The following CALD1 variants were observed in gnomAD, a reference collection of about 807,000 sequenced individuals.
CALD1 encodes the protein caldesmon 1, also known as caldesmon.
A neutral mutation model predicts 99.9 loss-of-function variants in CALD1; 33 were observed. That is an observed-to-expected ratio of 0.33 (90% CI 0.25 to 0.44). The LOEUF (loss-of-function observed/expected upper bound fraction) is 0.44, where lower values mean the gene tolerates loss of function less well. CALD1 is among the 20% of genes least tolerant of loss of function. The probability of loss-of-function intolerance (pLI) is 1.00; values close to 1 mark genes in which losing one functional copy is unlikely to be tolerated. For missense variants in CALD1, 861 were observed against 962.1 expected (o/e 0.89, Z 1.39); for synonymous variants, 310 against 325.0 (o/e 0.95, Z 0.50).
chr7:134,728,860 T>C, the CALD1 span, among the ~76,000 whole-genome samples: 3 of 149,838 alleles, frequency 2.0e-5, no homozygotes, highest in Admixed American at 6.6e-5. Context: ...TTTTTTTTTT[T>C]TTTTTTTTTT....
intron 1 of CALD1, among the ~76,000 whole-genome samples, chr7:134,768,713 A>C (rs1432085398): frequency 6.6e-6 from 1 of 152,210 alleles, no homozygotes; most frequent in Admixed American, 6.5e-5. Flanking sequence ...GCTTAAGAAT[A>C]ACACAACAAA....
chr7:134,769,190 T>C (rs1283479619), intron 1 of CALD1, among the ~76,000 whole-genome samples: 2 of 152,160 alleles, frequency 1.3e-5, no homozygotes, highest in African/African-American at 4.8e-5. Context: ...ACAATGTTTT[T>C]ACTACTGCAA....
intron 3 of CALD1, among the ~76,000 whole-genome samples, chr7:134,926,477 A>T (rs1359621971): frequency 6.6e-6 from 1 of 152,252 alleles, no homozygotes; most frequent in Non-Finnish European, 1.5e-5. Context: ...AGGATTGCAC[A>T]TGAGCAGATT....
intron 1 of CALD1, among the ~76,000 whole-genome samples, chr7:134,817,769 A>G (rs1038378008): frequency 1.3e-5 from 2 of 152,190 alleles, no homozygotes; most frequent in African/African-American, 2.4e-5. Flanking sequence ...AGCTAAGTGA[A>G]GTAGTAATTA....
chr7:134,817,468 G>A (rs1422176333), intron 1 of CALD1, among the ~76,000 whole-genome samples: 3 of 152,082 alleles, frequency 2.0e-5, no homozygotes, highest in Non-Finnish European at 4.4e-5. Context: ...ATTGACATTC[G>A]TGTGATTCAC....
intron 1 of CALD1, 58 bp downstream of exon 1, chr7:134,779,807 G>A (rs937395890): frequency 7.5e-6 from 3 of 397,570 alleles, no homozygotes; most frequent in African/African-American, 4.1e-5. Context: ...GACTTTCTCC[G>A]GCTTTCAGTC....
intron 1 of CALD1, among the ~76,000 whole-genome samples, chr7:134,817,311 A>T (rs1417748681): frequency 6.6e-6 from 1 of 151,982 alleles, no homozygotes; most frequent in African/African-American, 2.4e-5. Context: ...ATTTATTTTA[A>T]TTTTTTTCAT....
chr7:134,766,464 T>C (rs1171332401), intron 1 of CALD1, among the ~76,000 whole-genome samples: 1 of 152,096 alleles, frequency 6.6e-6, no homozygotes, highest in Non-Finnish European at 1.5e-5. Context: ...TCTTTATAAA[T>C]TGCCCAGTCT....
At chr7:134,858,247 G>C (rs1286528172) in intron 2 of CALD1, among the ~76,000 whole-genome samples, 1 of 152,106 alleles carries the variant, frequency 6.6e-6, no homozygotes, top group African/African-American at 2.4e-5. Flanking sequence ...TACTTAACTT[G>C]AAGTGTGATC....
intron 2 of CALD1, among the ~76,000 whole-genome samples, chr7:134,859,518 G>A (rs970470918): frequency 3.3e-5 from 5 of 152,158 alleles, no homozygotes; most frequent in African/African-American, 7.2e-5. Context: ...AGAAGAAGTC[G>A]TGTCCCAAAT....
intron 1 of CALD1, among the ~76,000 whole-genome samples, chr7:134,826,081 A>C (rs1798979431): frequency 6.6e-6 from 1 of 152,170 alleles, no homozygotes; most frequent in African/African-American, 2.4e-5. Flanking sequence ...AAATCTCCCC[A>C]AACTACTGTT....
chr7:134,770,822 C>T (rs1331336864), intron 1 of CALD1, among the ~76,000 whole-genome samples: 1 of 152,166 alleles, frequency 6.6e-6, no homozygotes, highest in Non-Finnish European at 1.5e-5. Context: ...CATGTGACGC[C>T]TCTTTAAGCC....
Position 134,947,637 on chromosome 7 carries a change from C to A in CALD1, c.1662C>A (p.Leu554=). 2 of 1,573,624 alleles carry A rather than the reference C, an allele frequency of 1.3e-6. No individual in the cohort carries two copies. Among genetic ancestry groups the A allele is most frequent in the South Asian group, 2.3e-5 (2 of 86,498 alleles). Residue 554 remains leucine, a synonymous_variant, in exon 8 of 15, where the codon CTC becomes CTA. Coordinates refer to ENST00000361675, the MANE Select transcript of CALD1 (RefSeq NM_033138.4). ...GETESEEFEK[L]KQKQQEAALE... ...CCGAGAGCGAAGAGTTCGAGAAGCT[C>A]AAACAGAAGCAGCAGGAGGCGGCTT...
intron 1 of CALD1, among the ~76,000 whole-genome samples, chr7:134,803,887 G>A (rs969384532): frequency 6.6e-6 from 1 of 152,022 alleles, no homozygotes; most frequent in Non-Finnish European, 1.5e-5. Context: ...GTAGAGACAG[G>A]GTTTTGCCAT....
intron 1 of CALD1, among the ~76,000 whole-genome samples, chr7:134,791,493 A>C (rs1035065850): frequency 6.6e-6 from 1 of 152,100 alleles, no homozygotes; most frequent in Non-Finnish European, 1.5e-5. Flanking sequence ...GCCCGGCCAC[A>C]ACAGGCACTT....
At chr7:134,947,461 T>C in intron 7 of CALD1, 47 bp from the exon 8 acceptor site, 11 of 1,536,372 alleles carry the variant, frequency 7.2e-6, no homozygotes, top group Non-Finnish European at 9.7e-6. Flanking sequence ...CCAGGGAGAC[T>C]ACAGGCAAAA....
chr7:134,775,383 T>C (rs565170208), upstream of CALD1, among the ~76,000 whole-genome samples: 3 of 152,318 alleles, frequency 2.0e-5, no homozygotes, highest in South Asian at 2.1e-4. Context: ...TTTTGTCAAG[T>C]TCTACAAAAT....
Position 134,970,169 on chromosome 7 carries a change from C to T in CALD1, c.*1824C>T, listed in dbSNP as rs2133319139. The T allele has an allele frequency of 6.6e-6, 1 of 152,302 alleles. No homozygotes were observed. The highest frequency in any genetic ancestry group is 1.5e-5 in the Non-Finnish European group (1 of 68,026). 9.4% of individuals were successfully genotyped at this position (152,302 alleles called of 1,614,324 possible). A position where few individuals can be genotyped will look rare whatever the true frequency, so the allele number is the denominator to read the frequency against. On this transcript the variant is annotated 3_prime_UTR_variant, in exon 15 of 15. Transcript: ENST00000361675. Reference sequence around the variant, plus strand: ...AAAGTAGGCACAAGTCTACAATAAGCTAAATCAGAATTTACAAATACAAGT... The same window carrying T: ...AAAGTAGGCACAAGTCTACAATAAGTTAAATCAGAATTTACAAATACAAGT...
At chr7:134,901,304 A>G (rs1802979023) in intron 3 of CALD1, among the ~76,000 whole-genome samples, 1 of 151,952 alleles carries the variant, frequency 6.6e-6, no homozygotes, top group African/African-American at 2.4e-5. Flanking sequence ...TTTATCAACT[A>G]TGTGCCCTTG....
Sources: gnomAD v4.1 joint callset for allele counts (sites outside exome capture counted in the v4.1 genomes callset) on GRCh38, gnomAD v4.1.1 for gene constraint, MANE v1.5 for transcripts, NCBI Gene and HGNC (gene_info 2026-07-23, HGNC 2026-07-21) for gene names.